SEC16B: variants seen among roughly 807,000 people sequenced by gnomAD.
The protein encoded by SEC16B is protein transport protein Sec16B.
SEC16B carries 115 observed loss-of-function variants against 141.8 expected under a neutral mutation model. The observed-to-expected ratio is 0.81, with a 90% CI of 0.70 to 0.95. SEC16B has a LOEUF of 0.95. SEC16B is among the 40% of genes least tolerant of loss of function. The pLI, the probability that SEC16B is intolerant of heterozygous loss-of-function variation, is 0.00. For synonymous variants in SEC16B, 493 were observed against 492.5 expected (o/e 1.00, Z -0.01); for missense variants, 1,291 against 1,312.3 (o/e 0.98, Z 0.25).
At position 177,967,936 on chromosome 1, in the gene SEC16B, C is replaced by T. The variant is rs1371613578; in HGVS notation, c.46G>A (p.Ala16Thr). 2.5e-6 allele frequency: 4 copies of T among 1,613,422 alleles called. No homozygotes were observed. In the African/African-American group the frequency reaches 5.3e-5, roughly 22 times the overall value. ...PQRLPQTRGK[A>T]TAPSKDPDRG... Reference sequence around the variant, plus strand: ...TCTGGATCCTTTGAGGGTGCTGTGGCCTTCCCTCGTGTCTGGGGCAGCCTC... The same window carrying T: ...TCTGGATCCTTTGAGGGTGCTGTGGTCTTCCCTCGTGTCTGGGGCAGCCTC... Residue 16 changes from alanine (A) to threonine (T), a missense_variant, in exon 2 of 26, where the codon GCC becomes ACC. Physicochemically the swap from Ala to Thr is moderately conservative, Grantham distance 58. This residue lies in a region of SEC16B where 681 missense variants were observed against 675.5 expected (regional missense o/e 1.01). Transcript: ENST00000308284.
chr1:177,974,731 A>G (rs1654102100), upstream of SEC16B, among the ~76,000 whole-genome samples: 1 of 152,172 alleles, frequency 6.6e-6, no homozygotes, highest in South Asian at 2.1e-4. Context: ...CCAGAACCCT[A>G]GATGTGAAGA....
In SEC16B at chr1:177,958,213, C is replaced by G; in HGVS notation, c.1284G>C (p.Thr428=). 1 of 1,602,792 alleles carries G rather than the reference C, an allele frequency of 6.2e-7. No homozygotes were observed. The highest frequency in any genetic ancestry group is 8.5e-7 in the Non-Finnish European group (1 of 1,174,322). The change falls in exon 10 of 26, where the codon ACG becomes ACC. Residue 428 remains threonine (T), a synonymous_variant. Transcript: ENST00000308284. ...TCTCCACACTGGGGGGGATCTCTCC[C>G]GTGAGCAGGTTCGGGGTCCCAGAGC... ...VLSSGTPNLL[T]GEIPPSVETP...
chr1:177,961,632 C>T lies in SEC16B; in HGVS notation c.745G>A (p.Asp249Asn). The T allele has an allele frequency of 6.2e-7, 1 of 1,613,926 alleles. No homozygotes were observed. Among genetic ancestry groups the T allele is most frequent in the Non-Finnish European group, 8.5e-7 (1 of 1,179,858 alleles). Residue 249 changes from aspartate (D) to asparagine (N), a missense_variant, in exon 6 of 26, where the codon GAT becomes AAT. Around this residue, in one of 3 missense-constraint regions of SEC16B, gnomAD observed 681 missense variants for 675.5 expected, o/e 1.01. Coordinates refer to ENST00000308284, the MANE Select transcript of SEC16B (RefSeq NM_033127.4). Reference protein sequence around the residue: ...SQYIRDAPERDDPPASAAWSP... With the variant: ...SQYIRDAPERNDPPASAAWSP... ...CAAGCTGCTGAAGCTGGGGGATCAT[C>T]CCGCTCCGGGGCATCTCTGATGTAC...
intron 12 of SEC16B, among the ~76,000 whole-genome samples, chr1:177,951,147 G>A (rs190097410): frequency 6.6e-6 from 1 of 152,240 alleles, no homozygotes; most frequent in Non-Finnish European, 1.5e-5. Context: ...TGTGTACATG[G>A]AATTCCTGAA....
chr1:177,963,552 G>A (rs564430846), intron 5 of SEC16B, among the ~76,000 whole-genome samples: 10 of 152,258 alleles, frequency 6.6e-5, no homozygotes, highest in Admixed American at 6.5e-5. Flanking sequence ...GCAGTAAGCC[G>A]AGATTGCACC....
At chr1:177,964,706 A>G (rs1190755343) in intron 4 of SEC16B, among the ~76,000 whole-genome samples, 3 of 152,204 alleles carry the variant, frequency 2.0e-5, no homozygotes, top group Non-Finnish European at 4.4e-5. Flanking sequence ...AGCACCAGGT[A>G]AGTTCTCATG....
chr1:177,933,524 G>T lies in SEC16B; in HGVS notation c.2684C>A (p.Ala895Asp), dbSNP rs377409580. The change falls in exon 21 of 26, where the codon GCC becomes GAC. Residue 895 changes from alanine (A) to aspartate (D), a missense_variant. By Grantham distance (126) the Ala-to-Asp change is moderately radical. Transcript: ENST00000308284. ...CCCATCTCCGAGCTTGCCTCTCTGGGCAGTATTTCGGGGAGAGTTTTTATC... is the reference window on the plus strand; with the variant it reads ...CCCATCTCCGAGCTTGCCTCTCTGGTCAGTATTTCGGGGAGAGTTTTTATC... Reference protein sequence around the residue: ...EADKNSPRNTAQRGKLGDGKE... With the variant: ...EADKNSPRNTDQRGKLGDGKE... 3 of 1,613,808 alleles carry T rather than the reference G, an allele frequency of 1.9e-6. No individual in the cohort carries two copies. Among genetic ancestry groups the T allele is most frequent in the Non-Finnish European group, 2.5e-6 (3 of 1,179,822 alleles).
At chr1:177,975,052 G>C (rs1159326622), upstream of SEC16B, among the ~76,000 whole-genome samples, 2 of 152,184 alleles carry the variant, frequency 1.3e-5, no homozygotes, top group Non-Finnish European at 2.9e-5. Context: ...AGTTCTACTG[G>C]CCACCTCTAG....
intron 15 of SEC16B, among the ~76,000 whole-genome samples, chr1:177,942,379 G>T (rs149073722): frequency 7.2e-4 from 110 of 152,320 alleles, no homozygotes; most frequent in Middle Eastern, 3.4e-3. Context: ...GCACAAGACG[G>T]ACATTAAAAG....
rs773102842 is a variant in SEC16B, at chr1:177,952,000, G to A, written c.1464-5C>T. ...AGCGCCAGCGTGCTGGTGAAGCTGC[G>A]GAGAGAAGGATAGTCAGCGAGGACC... On this transcript the variant is annotated splice_polypyrimidine_tract_variant and splice_region_variant and intron_variant, in intron 11 of 25. Transcript: ENST00000308284. 2.1e-5 allele frequency: 33 copies of A among 1,595,398 alleles called. No homozygotes were observed. The highest frequency in any genetic ancestry group is 8.0e-5 in the South Asian group (7 of 87,482).
chr1:177,937,233 C>T lies in SEC16B; in HGVS notation c.2484G>A (p.Leu828=), dbSNP rs1210911744. 6.2e-7 allele frequency: 1 copy of T among 1,612,724 alleles called. No individual in the cohort carries two copies. The highest frequency in any genetic ancestry group is 8.5e-7 in the Non-Finnish European group (1 of 1,179,428). Residue 828 remains leucine, a synonymous_variant, in exon 19 of 26, where the codon CTG becomes CTA. Transcript: ENST00000308284. ...TCTTACCAGGGCCCAGGTGTGTCTG[C>T]AGCATTTCCTCCCAGACTGTTCCTC... is the stretch of plus-strand genomic sequence containing the variant. ...ATGGTVWEEM[L]QTHLGPGENT...
intron 11 of SEC16B, among the ~76,000 whole-genome samples, chr1:177,952,723 G>A (rs1218172622): frequency 6.6e-6 from 1 of 152,178 alleles, no homozygotes; most frequent in East Asian, 1.9e-4. Flanking sequence ...GGGGCTGTGG[G>A]ACGTTCATTT....
upstream of SEC16B, among the ~76,000 whole-genome samples, chr1:177,972,692 G>C (rs564901423): frequency 2.0e-5 from 3 of 152,272 alleles, no homozygotes; most frequent in African/African-American, 7.2e-5. Context: ...GCACTGTCTA[G>C]GGTCTAGCTT....
chr1:177,964,983 A>G (rs1653396003), intron 4 of SEC16B, 64 bp downstream of exon 4: 1 of 1,584,916 alleles, frequency 6.3e-7, no homozygotes, highest in Non-Finnish European at 8.6e-7. Context: ...ACGCCAGAAG[A>G]TTTGCCCGAC....
Position 177,951,908 on chromosome 1 carries a change from G to A in SEC16B, c.1545+6C>T. The A allele has an allele frequency of 6.3e-7, 1 of 1,596,550 alleles. No homozygotes were observed. The highest frequency in any genetic ancestry group is 8.5e-7 in the Non-Finnish European group (1 of 1,171,804). On this transcript the variant is annotated splice_donor_region_variant and intron_variant, in intron 12 of 25. Coordinates refer to ENST00000308284, the MANE Select transcript of SEC16B (RefSeq NM_033127.4). ...GGGTGATAAAGGAATCCTGTCATAG[G>A]GGTACCGTGGCTGCCTGTGGAATCC...
intron 1 of SEC16B, among the ~76,000 whole-genome samples, chr1:177,979,635 A>C (rs1654318715): frequency 6.6e-6 from 1 of 152,244 alleles, no homozygotes; most frequent in African/African-American, 2.4e-5. Context: ...TGATTTTCTA[A>C]GTGTATTAGT....
chr1:177,974,507 G>T (rs928495708), upstream of SEC16B, among the ~76,000 whole-genome samples: 1 of 152,194 alleles, frequency 6.6e-6, no homozygotes, highest in Non-Finnish European at 1.5e-5. Flanking sequence ...CAGGACAGTG[G>T]TCAACAATGC....
At chr1:177,976,540 C>T (rs1654176409) in intron 1 of SEC16B, among the ~76,000 whole-genome samples, 1 of 152,170 alleles carries the variant, frequency 6.6e-6, no homozygotes, top group Non-Finnish European at 1.5e-5. Context: ...CCCAGTCCTA[C>T]TATGCTGGTT....
chr1:177,932,794 C>T lies in SEC16B; in HGVS notation c.2836G>A (p.Ala946Thr), dbSNP rs1364920771. ...AGGCCAGCCTGGTGGGGAGAAGATG[C>T]TCTGGGGGTCTCCTGCTTTGTGGAG... ...DSPDSEETPR[A>T]SSPHQAGLGL... The change falls in exon 23 of 26, where the codon GCA (alanine) becomes ACA (threonine). Residue 946 changes from alanine to threonine, a missense_variant. By Grantham distance (58) the Ala-to-Thr change is moderately conservative. Transcript: ENST00000308284. The T allele has an allele frequency of 2.5e-6, 4 of 1,611,158 alleles. No individual in the cohort carries two copies. Among genetic ancestry groups the T allele is most frequent in the African/African-American group, 2.7e-5 (2 of 74,924 alleles).
Sources: allele counts gnomAD v4.1 joint callset (sites outside exome capture counted in the v4.1 genomes callset), GRCh38; gene constraint gnomAD v4.1.1; regional missense constraint gnomAD v4.1.1; transcripts MANE v1.5; gene names NCBI Gene and HGNC (gene_info 2026-07-23, HGNC 2026-07-21).